The following PTPRD variants were observed in gnomAD, a reference collection of about 807,000 sequenced individuals.
PTPRD encodes protein tyrosine phosphatase receptor type D, also known as receptor-type tyrosine-protein phosphatase delta.
Under a neutral mutation model 214.5 loss-of-function variants are expected in PTPRD, and 34 were observed. The observed-to-expected ratio is 0.16, with a 90% CI of 0.12 to 0.21. The LOEUF is 0.21. PTPRD is among the 10% of genes least tolerant of loss of function. The pLI, the probability that PTPRD is intolerant of heterozygous loss-of-function variation, is 1.00. For missense variants in PTPRD, 2,545 were observed against 2,398.7 expected (o/e 1.06, Z -1.27); for synonymous variants, 1,128 against 845.7 (o/e 1.33, Z -5.79).
chr9:9,932,213 C>G (rs1360271459), intron 5 of PTPRD, among the ~76,000 whole-genome samples: 1 of 151,192 alleles, frequency 6.6e-6, no homozygotes. Context: ...AGCAAAAGAA[C>G]AAAGCTGGAT....
intron 26 of PTPRD, among the ~76,000 whole-genome samples, chr9:8,495,937 G>A (rs995706540): frequency 6.6e-5 from 10 of 152,160 alleles, no homozygotes; most frequent in South Asian, 2.1e-4. Context: ...TAATATTGAA[G>A]AGTTAAAGAC....
intron 10 of PTPRD, among the ~76,000 whole-genome samples, chr9:9,026,228 T>C (rs1277231092): frequency 2.0e-5 from 3 of 151,858 alleles, no homozygotes; most frequent in Non-Finnish European, 4.4e-5. Flanking sequence ...AAGCAATAAA[T>C]GTAAAGGCTC....
chr9:8,667,035 C>G (rs186478789), intron 12 of PTPRD, among the ~76,000 whole-genome samples: 2 of 152,016 alleles, frequency 1.3e-5, no homozygotes, highest in African/African-American at 4.8e-5. Flanking sequence ...ATTTGGAGGG[C>G]CAGTTTGAAA....
chr9:10,061,381 G>T (rs1170958885), intron 3 of PTPRD, among the ~76,000 whole-genome samples: 1 of 152,052 alleles, frequency 6.6e-6, no homozygotes, highest in Non-Finnish European at 1.5e-5. Context: ...TTCCACTTAT[G>T]TTTATTTCAG....
intron 10 of PTPRD, among the ~76,000 whole-genome samples, chr9:9,139,981 A>G (rs1485179071): frequency 6.6e-6 from 1 of 152,178 alleles, no homozygotes; most frequent in Non-Finnish European, 1.5e-5. Context: ...GGGAATATCT[A>G]GTATAATTGT....
chr9:10,083,916 G>A (rs955238193), intron 3 of PTPRD, among the ~76,000 whole-genome samples: 1 of 151,934 alleles, frequency 6.6e-6, no homozygotes, highest in African/African-American at 2.4e-5. Flanking sequence ...TAACAGACCA[G>A]TCCCTGTCTG....
intron 35 of PTPRD, among the ~76,000 whole-genome samples, chr9:8,426,671 G>C (rs1239523216): frequency 6.6e-6 from 1 of 152,054 alleles, no homozygotes; most frequent in Non-Finnish European, 1.5e-5. Context: ...ATGAGAATAA[G>C]GACTGGGAAA....
intron 35 of PTPRD, among the ~76,000 whole-genome samples, chr9:8,428,403 C>A (rs2094829468): frequency 2.6e-5 from 4 of 152,168 alleles, no homozygotes; most frequent in African/African-American, 7.2e-5. Context: ...TTTTATTTCA[C>A]AAAATCGCTC....
chr9:9,779,108 A>G (rs933670924), intron 5 of PTPRD, among the ~76,000 whole-genome samples: 11 of 148,066 alleles, frequency 7.4e-5, no homozygotes, highest in Admixed American at 2.7e-4. Flanking sequence ...AAAAAAAGCA[A>G]TGGGGAAAGG....
chr9:9,824,262 T>G (rs951789826), intron 5 of PTPRD, among the ~76,000 whole-genome samples: 6 of 152,144 alleles, frequency 3.9e-5, no homozygotes, highest in African/African-American at 1.4e-4. Flanking sequence ...CATCTTTATT[T>G]ATCCTTAGTC....
intron 2 of PTPRD, among the ~76,000 whole-genome samples, chr9:10,483,046 G>C (rs1355251607): frequency 6.6e-6 from 1 of 152,076 alleles, no homozygotes; most frequent in African/African-American, 2.4e-5. Flanking sequence ...ATATTGTAAG[G>C]CTATAGTAAC....
intron 3 of PTPRD, among the ~76,000 whole-genome samples, chr9:10,163,144 T>C (rs886623249): frequency 6.7e-6 from 1 of 149,036 alleles, no homozygotes; most frequent in Non-Finnish European, 1.5e-5. Context: ...CTACTGAGTG[T>C]CATTGTTTTT....
intron 6 of PTPRD, among the ~76,000 whole-genome samples, chr9:9,759,989 C>T (rs955981324): frequency 6.6e-5 from 10 of 152,226 alleles, no homozygotes; most frequent in African/African-American, 2.4e-4. Flanking sequence ...GTACATTTTG[C>T]TCATGTTAAA....
chr9:10,084,615 G>A (rs935426471), intron 3 of PTPRD, among the ~76,000 whole-genome samples: 3 of 151,844 alleles, frequency 2.0e-5, no homozygotes, highest in Non-Finnish European at 2.9e-5. Flanking sequence ...AAGAACACTT[G>A]ATTATTGCAT....
At chr9:8,518,698 C>T (rs530341957) in intron 20 of PTPRD, among the ~76,000 whole-genome samples, 13 of 152,254 alleles carry the variant, frequency 8.5e-5, no homozygotes, top group South Asian at 8.3e-4. Flanking sequence ...TGATCCTGCA[C>T]GCATTTCTTA....
intron 34 of PTPRD, among the ~76,000 whole-genome samples, chr9:8,439,414 G>T (rs1458671686): frequency 2.6e-5 from 4 of 152,088 alleles, no homozygotes; most frequent in Non-Finnish European, 5.9e-5. Context: ...CATATGTAAG[G>T]GTTCTAAAAG....
chr9:10,236,991 T>C (rs918834343), intron 3 of PTPRD, among the ~76,000 whole-genome samples: 1 of 151,954 alleles, frequency 6.6e-6, no homozygotes, highest in African/African-American at 2.4e-5. Context: ...GAATATTCTG[T>C]ATGATACAAT....
intron 12 of PTPRD, among the ~76,000 whole-genome samples, chr9:8,661,909 C>T (rs1006174309): frequency 2.0e-5 from 3 of 152,120 alleles, no homozygotes; most frequent in South Asian, 2.1e-4. Context: ...GTCTACAACA[C>T]GGATCTATTT....
Position 8,655,298 on chromosome 9 carries a change from A to G in PTPRD, c.65-18454T>C, listed in dbSNP as rs1405087878. Among the ~76,000 whole-genome samples, 6 of 152,182 alleles carry G rather than the reference A, an allele frequency of 3.9e-5. No homozygotes were observed. In the East Asian group the frequency reaches 1.2e-3, roughly 29 times the overall value. On this transcript the variant is annotated intron_variant, in intron 12 of 45. Coordinates refer to ENST00000381196, the MANE Select transcript of PTPRD (RefSeq NM_002839.4). ...GCTTTCCTCCCCTGCCTCTTTGGGG[A>G]AATGTGTTTTATAATTGTAAGTAGA...
Sources: allele counts gnomAD v4.1 joint callset (sites outside exome capture counted in the v4.1 genomes callset), GRCh38; gene constraint gnomAD v4.1.1; transcripts MANE v1.5; gene names NCBI Gene and HGNC (gene_info 2026-07-23, HGNC 2026-07-21).